The following RMP24 variants were observed in gnomAD, a reference collection of about 807,000 sequenced individuals.
The protein encoded by RMP24 is ribonuclease MRP subunit p24.
chr18:35,977,633 G>C, the RMP24 span: 1 of 1,582,496 alleles, frequency 6.3e-7, no homozygotes, highest in East Asian at 2.2e-5. Flanking sequence ...TGAATTGCCA[G>C]TGTTAAGTGT....
At chr18:35,975,029 A>C in the RMP24 span, 1 of 1,614,154 alleles carries the variant, frequency 6.2e-7, no homozygotes, top group Non-Finnish European at 8.5e-7. Flanking sequence ...GAGAAGCGAG[A>C]AACTATACAC....
At chr18:35,976,714 T>G in the RMP24 span, among the ~76,000 whole-genome samples, 2,007 of 152,304 alleles carry the variant, frequency 0.013, 41 homozygotes, top group African/African-American at 0.046. Context: ...ATGTTGTTTT[T>G]GGGAAGAGGC....
the RMP24 span, chr18:35,973,140 C>T: frequency 6.6e-6 from 4 of 610,580 alleles, no homozygotes; most frequent in Non-Finnish European, 1.2e-5. Flanking sequence ...CCTCCCTTGG[C>T]TTCTAGGTCA....
the RMP24 span, chr18:35,977,725 C>G: frequency 1.1e-6 from 1 of 913,854 alleles, no homozygotes; most frequent in Non-Finnish European, 1.6e-6. Context: ...CCTCCATACC[C>G]TTTTCTAATG....
chr18:35,977,462 G>A, the RMP24 span: 1 of 1,613,930 alleles, frequency 6.2e-7, no homozygotes, highest in African/African-American at 1.3e-5. Context: ...GGTAAAAGTA[G>A]AAGCTTTGTG....
the RMP24 span, chr18:35,978,943 A>C: frequency 1.2e-6 from 2 of 1,612,694 alleles, no homozygotes; most frequent in Admixed American, 1.7e-5. Flanking sequence ...ATGAATCCCA[A>C]AAGATTCCAA....
chr18:35,974,884 G>T, the RMP24 span: 1 of 1,604,392 alleles, frequency 6.2e-7, no homozygotes, highest in African/African-American at 1.3e-5. Flanking sequence ...AGTTTCATTT[G>T]TATAATTTTA....
At chr18:35,979,273 C>G in the RMP24 span, 1 of 213,476 alleles carries the variant, frequency 4.7e-6, no homozygotes, top group Non-Finnish European at 9.3e-6. Flanking sequence ...TAGATATATA[C>G]ATTGAGTAGT....
chr18:35,974,829 G>C, the RMP24 span: 1 of 1,350,554 alleles, frequency 7.4e-7, no homozygotes, highest in South Asian at 1.3e-5. Flanking sequence ...TTTTATAAAT[G>C]TTGACAGTTT....
At chr18:35,975,723 A>G in the RMP24 span, among the ~76,000 whole-genome samples, 10 of 152,338 alleles carry the variant, frequency 6.6e-5, no homozygotes, top group African/African-American at 2.4e-4. Context: ...AACATTTATC[A>G]ACTGTTCAAG....
chr18:35,974,742 C>T, the RMP24 span, among the ~76,000 whole-genome samples: 3 of 152,064 alleles, frequency 2.0e-5, no homozygotes, highest in African/African-American at 7.2e-5. Context: ...TAAATTACTG[C>T]CAATTTATCT....
At chr18:35,973,065 C>A in the RMP24 span, 1 of 915,600 alleles carries the variant, frequency 1.1e-6, no homozygotes, top group Non-Finnish European at 1.7e-6. Context: ...AATCCAAATT[C>A]TTTAATGTGC....
chr18:35,976,251 G>A, the RMP24 span, among the ~76,000 whole-genome samples: 1 of 140,084 alleles, frequency 7.1e-6, no homozygotes, highest in African/African-American at 2.7e-5. Flanking sequence ...CTGGGTTCAC[G>A]CCATTCTCCT....
chr18:35,974,785 A>G, the RMP24 span: 5 of 971,814 alleles, frequency 5.1e-6, no homozygotes, highest in Admixed American at 1.3e-4. Context: ...AGTTTACTTA[A>G]TGTGTATCTG....
the RMP24 span, among the ~76,000 whole-genome samples, chr18:35,974,691 C>A: frequency 2.2e-3 from 341 of 152,252 alleles, 5 homozygotes; most frequent in East Asian, 0.029. Context: ...CTATCTGTTG[C>A]TGAAAGGAGT....
At chr18:35,979,038 T>G in the RMP24 span, 1 of 1,535,528 alleles carries the variant, frequency 6.5e-7, no homozygotes, top group African/African-American at 1.4e-5. Flanking sequence ...GAAACTAAAG[T>G]TGGTAAAACA....
the RMP24 span, chr18:35,975,215 C>T: frequency 1.3e-6 from 1 of 769,424 alleles, no homozygotes; most frequent in Non-Finnish European, 2.0e-6. Flanking sequence ...TTTGGATTAT[C>T]AAAATATATA....
chr18:35,977,484 G>A, the RMP24 span: 2 of 1,614,120 alleles, frequency 1.2e-6, no homozygotes, highest in Middle Eastern at 1.6e-4. Flanking sequence ...CAACATTGAA[G>A]AGCAATCCTG....
At chr18:35,973,309 A>C in the RMP24 span, 6 of 317,032 alleles carry the variant, frequency 1.9e-5, no homozygotes, top group Non-Finnish European at 3.0e-5. Flanking sequence ...ATCCAATCTC[A>C]TGGCTTTTAA....
Sources: gnomAD v4.1 joint callset for allele counts (sites outside exome capture counted in the v4.1 genomes callset) on GRCh38, gnomAD v4.1.1 for gene constraint, MANE v1.5 for transcripts, NCBI Gene and HGNC (gene_info 2026-07-23, HGNC 2026-07-21) for gene names.